YTHDF3: variants seen among roughly 807,000 people sequenced by gnomAD.
YTHDF3 encodes YTH domain-containing family protein 3.
A neutral mutation model predicts 52.5 loss-of-function variants in YTHDF3; 9 were observed. The observed-to-expected ratio is 0.17, with a 90% CI of 0.10 to 0.30. YTHDF3 has a LOEUF of 0.30. Ranked by LOEUF, YTHDF3 falls within the 10% of genes least tolerant of loss-of-function variation. YTHDF3 has a pLI of 1.00. For missense variants in YTHDF3, 534 were observed against 715.0 expected (o/e 0.75, Z 2.89); for synonymous variants, 274 against 243.3 (o/e 1.13, Z -1.18).
In YTHDF3 at chr8:63,209,693, GAAAC is replaced by G. The variant is rs762279945; in HGVS notation, c.1752_1755del (p.Lys584AsnfsTer9). 1.4e-5 allele frequency: 22 copies of G among 1,566,336 alleles called. No homozygotes were observed. Among genetic ancestry groups the G allele is most frequent in the Non-Finnish European group, 1.8e-5 (21 of 1,162,102 alleles). On this transcript the variant is annotated frameshift_variant, in exon 5 of 5. Transcript: ENST00000539294. LOFTEE classifies it high-confidence loss of function. ...TTTTTTTTTTTTCAGGAGAGAAATA[GAAAC>G]AAACAATAACCGTATGAAGATGTCC...
intron 4 of YTHDF3, among the ~76,000 whole-genome samples, chr8:63,207,151 T>C (rs998310105): frequency 4.6e-5 from 7 of 152,202 alleles, no homozygotes; most frequent in Admixed American, 2.6e-4. Flanking sequence ...TTAGTATTGT[T>C]ACAGCTTTTC....
At position 63,184,432 on chromosome 8, in the gene YTHDF3, C is replaced by G. The variant is rs535185330; in HGVS notation, c.136-1715C>G. Among the ~76,000 whole-genome samples, 10 of 152,290 alleles carry G rather than the reference C, an allele frequency of 6.6e-5. No homozygotes were observed. In the South Asian group the frequency reaches 1.0e-3, roughly 16 times the overall value. ...AGTTCTTAAGTTATTTTAGTCATAT[C>G]AGAGAACCATTTCAAAAGACAATAT... On this transcript the variant is annotated intron_variant, in intron 3 of 4. Coordinates refer to ENST00000539294, the MANE Select transcript of YTHDF3 (RefSeq NM_152758.6).
intron 3 of YTHDF3, among the ~76,000 whole-genome samples, chr8:63,176,842 T>C (rs1049338732): frequency 6.6e-6 from 1 of 152,014 alleles, no homozygotes; most frequent in Admixed American, 6.6e-5. Flanking sequence ...CACGCCTGGC[T>C]ACTTTTTGTA....
chr8:63,169,111 G>A (rs1807097782), intron 1 of YTHDF3: 2 of 1,395,698 alleles, frequency 1.4e-6, no homozygotes, highest in Admixed American at 3.5e-5. Context: ...GGCGGGTGGG[G>A]GCAAGGACCG....
chr8:63,192,022 G>T (rs1388230091), intron 4 of YTHDF3, among the ~76,000 whole-genome samples: 1 of 152,076 alleles, frequency 6.6e-6, no homozygotes, highest in African/African-American at 2.4e-5. Context: ...TTCACTTTTG[G>T]CGGGGGCGTA....
At chr8:63,190,840 C>T (rs1808867647) in intron 4 of YTHDF3, among the ~76,000 whole-genome samples, 1 of 152,118 alleles carries the variant, frequency 6.6e-6, no homozygotes, top group African/African-American at 2.4e-5. Context: ...CAGTTAATCT[C>T]CTTTAAATTT....
chr8:63,180,356 TC>T (rs1808035477), intron 3 of YTHDF3, among the ~76,000 whole-genome samples: 1 of 149,070 alleles, frequency 6.7e-6, no homozygotes, highest in African/African-American at 2.5e-5. Flanking sequence ...GCAGAGACGC[TC>T]CCCACATCTC....
intron 3 of YTHDF3, among the ~76,000 whole-genome samples, chr8:63,180,361 A>C (rs945033293): frequency 5.3e-5 from 8 of 149,558 alleles, no homozygotes; most frequent in African/African-American, 1.7e-4. Flanking sequence ...GACGCTCCCC[A>C]CATCTCAGAC....
Position 63,169,367 on chromosome 8 carries a change from T to A in YTHDF3, c.25-20T>A. ...CTTCCTTTTTCTCCTCTTTACCGCA[T>A]CTTTCGTCTTGCAACACAGAGACCT... On this transcript the variant is annotated intron_variant, in intron 1 of 4. Coordinates refer to ENST00000539294, the MANE Select transcript of YTHDF3 (RefSeq NM_152758.6). 1 of 1,599,726 alleles carries A rather than the reference T, an allele frequency of 6.3e-7. No homozygotes were observed.
chr8:63,201,585 A>T (rs1809646814), intron 4 of YTHDF3, among the ~76,000 whole-genome samples: 1 of 152,160 alleles, frequency 6.6e-6, no homozygotes, highest in Non-Finnish European at 1.5e-5. Flanking sequence ...TTTACATTGC[A>T]CTCCAATTTC....
intron 3 of YTHDF3, 163 bp downstream of exon 3, chr8:63,175,579 A>C (rs765350316): frequency 2.2e-5 from 12 of 541,358 alleles, no homozygotes; most frequent in Non-Finnish European, 4.0e-5. Context: ...GATTTATGGC[A>C]CAGGAGAGTT....
chr8:63,196,442 A>G (rs1016347639), intron 4 of YTHDF3, among the ~76,000 whole-genome samples: 1 of 151,826 alleles, frequency 6.6e-6, no homozygotes, highest in Non-Finnish European at 1.5e-5. Flanking sequence ...GGCACTTGTA[A>G]TCCCAGCTCC....
intron 4 of YTHDF3, among the ~76,000 whole-genome samples, chr8:63,190,573 G>A (rs928709423): frequency 2.6e-5 from 4 of 152,060 alleles, no homozygotes; most frequent in South Asian, 2.1e-4. Flanking sequence ...TGTACATGGC[G>A]AACTATAACA....
At chr8:63,199,315 G>A (rs758352957) in intron 4 of YTHDF3, among the ~76,000 whole-genome samples, 1 of 152,046 alleles carries the variant, frequency 6.6e-6, no homozygotes, top group Admixed American at 6.6e-5. Flanking sequence ...CAGGACCCCC[G>A]CAAATACCAA....
intron 3 of YTHDF3, 126 bp from the exon 4 acceptor site, chr8:63,186,021 T>TA: frequency 9.7e-7 from 1 of 1,028,750 alleles, no homozygotes. Flanking sequence ...TTAATTTTGT[T>TA]TATCTAGAAT....
intron 4 of YTHDF3, among the ~76,000 whole-genome samples, chr8:63,193,719 A>C (rs571469646): frequency 2.0e-5 from 3 of 152,206 alleles, no homozygotes; most frequent in Non-Finnish European, 4.4e-5. Flanking sequence ...ACATGTAGCT[A>C]ATAAGAATAT....
chr8:63,190,028 G>A (rs561570965), intron 4 of YTHDF3, among the ~76,000 whole-genome samples: 28 of 152,286 alleles, frequency 1.8e-4, no homozygotes, highest in African/African-American at 6.3e-4. Context: ...TACAAGTAGC[G>A]CATCAGGAGA....
chr8:63,201,994 CA>C (rs1809672705), intron 4 of YTHDF3, among the ~76,000 whole-genome samples: 1 of 152,148 alleles, frequency 6.6e-6, no homozygotes, highest in African/African-American at 2.4e-5. Context: ...TTAGATCCTG[CA>C]TGTTCTTTTC....
chr8:63,174,621 A>G (rs75587726), intron 2 of YTHDF3, among the ~76,000 whole-genome samples: 3,807 of 152,270 alleles, frequency 0.025, 157 homozygotes, highest in African/African-American at 0.087. Context: ...GTTTATGGAG[A>G]TGACCTTTGA....
Sources: gnomAD v4.1 joint callset for allele counts (sites outside exome capture counted in the v4.1 genomes callset) on GRCh38, gnomAD v4.1.1 for gene constraint, MANE v1.5 for transcripts, NCBI Gene and HGNC (gene_info 2026-07-23, HGNC 2026-07-21) for gene names.